Variants in SYNJ2BP observed in about 807,000 individuals in gnomAD.
The protein encoded by SYNJ2BP is synaptojanin-2-binding protein.
SYNJ2BP carries 10 observed loss-of-function variants against 16.9 expected under a neutral mutation model. The observed-to-expected ratio is 0.59, with a 90% confidence interval of 0.36 to 1.00. The LOEUF (loss-of-function observed/expected upper bound fraction) is 1.00, where lower values mean the gene tolerates loss of function less well. Among genes scored for constraint, SYNJ2BP ranks in the 50% least tolerant of loss-of-function variants. The pLI is 0.01. For synonymous variants in SYNJ2BP, 54 were observed against 68.4 expected, an observed-to-expected ratio of 0.79 and a Z score of 1.04; for missense variants, 162 against 186.7, an observed-to-expected ratio of 0.87 and a Z score of 0.77.
Position 70,367,232 on chromosome 14 carries a change from A to C in SYNJ2BP, c.*5759T>G, listed in dbSNP as rs1887408372. On this transcript the variant is annotated 3_prime_UTR_variant, in exon 4 of 4. Coordinates refer to ENST00000256366, the MANE Select transcript of SYNJ2BP (RefSeq NM_018373.3). Reference sequence around the variant, plus strand: ...TAGGTTTTATAGTATCATCAAGTACATCAGTTAAGCAAATCAAGTGCTTTG... The same window carrying C: ...TAGGTTTTATAGTATCATCAAGTACCTCAGTTAAGCAAATCAAGTGCTTTG... 6.6e-6 allele frequency: 1 copy of C among 152,190 alleles called. No homozygotes were observed. Among genetic ancestry groups the C allele is most frequent in the Admixed American group, 6.5e-5 (1 of 15,274 alleles). 9.4% of individuals were successfully genotyped at this position (152,190 alleles called of 1,614,324 possible). A position where few individuals can be genotyped will look rare whatever the true frequency, so the allele number is the denominator to read the frequency against.
chr14:70,386,788 G>T (rs948886817), intron 2 of SYNJ2BP, among the ~76,000 whole-genome samples: 1 of 151,670 alleles, frequency 6.6e-6, no homozygotes, highest in Non-Finnish European at 1.5e-5. Context: ...AACTGCATGA[G>T]AAGTAATGTG....
intron 2 of SYNJ2BP, among the ~76,000 whole-genome samples, chr14:70,383,218 G>T (rs528319836): frequency 6.6e-6 from 1 of 152,244 alleles, no homozygotes; most frequent in South Asian, 2.1e-4. Flanking sequence ...AGATGATAAG[G>T]CAAAGATCCT....
intron 1 of SYNJ2BP, among the ~76,000 whole-genome samples, chr14:70,393,002 T>G (rs1888012026): frequency 6.6e-6 from 1 of 152,182 alleles, no homozygotes. Context: ...CAAAAGAAAC[T>G]ATCATCAGAG....
At chr14:70,416,828 C>T (rs1814810154) in intron 1 of SYNJ2BP, 72 bp downstream of exon 1, 2 of 1,607,218 alleles carry the variant, frequency 1.2e-6, no homozygotes, top group Admixed American at 1.7e-5. Flanking sequence ...GTGAATCCGG[C>T]TCAGCAGCAG....
At position 70,417,014 on chromosome 14, in the gene SYNJ2BP, G is replaced by A. The variant is rs1309897363; in HGVS notation, c.-51C>T. 10 of 1,613,444 alleles carry A rather than the reference G, an allele frequency of 6.2e-6. No individual in the cohort carries two copies. In the Admixed American group the frequency reaches 1.0e-4, roughly 16 times the overall value. ...CTTGGGTCAGCTGGAGTGCAGCACA[G>A]GTGAAGGTGAATCAATCTCGGCGCT... On this transcript the variant is annotated 5_prime_UTR_variant, in exon 1 of 4. Transcript: ENST00000256366.
At chr14:70,398,958 A>T (rs1164942291) in intron 1 of SYNJ2BP, among the ~76,000 whole-genome samples, 1 of 152,112 alleles carries the variant, frequency 6.6e-6, no homozygotes, top group Non-Finnish European at 1.5e-5. Context: ...CTCCAGGAGC[A>T]GATAGTGGGC....
intron 1 of SYNJ2BP, among the ~76,000 whole-genome samples, chr14:70,401,058 C>G (rs960940627): frequency 3.9e-5 from 6 of 152,096 alleles, no homozygotes; most frequent in African/African-American, 1.4e-4. Context: ...TATGGGACAT[C>G]CTCTTGTAAA....
At chr14:70,404,308 CTT>C (rs1347410156) in intron 1 of SYNJ2BP, among the ~76,000 whole-genome samples, 1 of 152,084 alleles carries the variant, frequency 6.6e-6, no homozygotes, top group African/African-American at 2.4e-5. Context: ...AAATAAGTAA[CTT>C]GGGATGACGG....
chr14:70,406,415 G>C (rs1184461967), intron 1 of SYNJ2BP, among the ~76,000 whole-genome samples: 1 of 152,142 alleles, frequency 6.6e-6, no homozygotes, highest in Non-Finnish European at 1.5e-5. Context: ...TTAGCTTACA[G>C]TTTAACTTTG....
At chr14:70,398,082 A>AT in intron 1 of SYNJ2BP, among the ~76,000 whole-genome samples, 1 of 152,158 alleles carries the variant, frequency 6.6e-6, no homozygotes, top group Non-Finnish European at 1.5e-5. Flanking sequence ...GGTCATCTCA[A>AT]CAAGTACTCA....
intron 1 of SYNJ2BP, among the ~76,000 whole-genome samples, chr14:70,399,526 G>A (rs1231884882): frequency 1.3e-5 from 2 of 152,210 alleles, no homozygotes; most frequent in African/African-American, 2.4e-5. Flanking sequence ...CCATGTGAGG[G>A]TGGGGGACAC....
chr14:70,396,806 C>T (rs1888109592), intron 1 of SYNJ2BP, among the ~76,000 whole-genome samples: 1 of 152,106 alleles, frequency 6.6e-6, no homozygotes, highest in South Asian at 2.1e-4. Flanking sequence ...GAAATGTCTA[C>T]TCAGGTCCTT....
chr14:70,408,198 C>T (rs145234825), intron 1 of SYNJ2BP, among the ~76,000 whole-genome samples: 2 of 151,416 alleles, frequency 1.3e-5, no homozygotes, highest in African/African-American at 4.8e-5. Flanking sequence ...GAAACAGAAG[C>T]CCCATATCCC....
chr14:70,399,682 C>A (rs1186434879), intron 1 of SYNJ2BP, among the ~76,000 whole-genome samples: 1 of 152,206 alleles, frequency 6.6e-6, no homozygotes, highest in Admixed American at 6.5e-5. Flanking sequence ...TGAAGAGGAA[C>A]ATCTAACTGC....
At chr14:70,391,900 C>T (rs760621340) in intron 1 of SYNJ2BP, among the ~76,000 whole-genome samples, 3 of 152,170 alleles carry the variant, frequency 2.0e-5, no homozygotes, top group Admixed American at 6.5e-5. Context: ...GACCTGAAGC[C>T]CTTTGTTCAG....
intron 2 of SYNJ2BP, among the ~76,000 whole-genome samples, chr14:70,384,021 G>A (rs61678376): frequency 1.1e-4 from 16 of 151,196 alleles, no homozygotes; most frequent in African/African-American, 2.9e-4. Context: ...GCAGTGGCGC[G>A]ATCTCGGCTC....
intron 1 of SYNJ2BP, among the ~76,000 whole-genome samples, chr14:70,413,096 T>A (rs8015825): frequency 0.98 from 149,309 of 152,364 alleles, 73,226 homozygotes; most frequent in East Asian, 1. Flanking sequence ...ACTGCCTTTG[T>A]AATTCTTCAG....
rs368127558 is a variant in SYNJ2BP, at chr14:70,402,516, C to T, written c.65-13910G>A. Among the ~76,000 whole-genome samples the T allele has an allele frequency of 7.2e-5, 11 of 152,060 alleles. No homozygotes were observed. In the East Asian group the frequency reaches 2.1e-3, roughly 29 times the overall value. The stretch of plus-strand genomic sequence containing the variant: ...CAGATGCACTGCCCTGCAAATCTGC[C>T]TGGTTTTTAGACACTTAATATCAGG... On this transcript the variant is annotated intron_variant, in intron 1 of 3. Coordinates refer to ENST00000256366, the MANE Select transcript of SYNJ2BP (RefSeq NM_018373.3).
At chr14:70,376,828 T>A (rs989168113) in intron 2 of SYNJ2BP, among the ~76,000 whole-genome samples, 2 of 152,214 alleles carry the variant, frequency 1.3e-5, no homozygotes, top group African/African-American at 4.8e-5. Context: ...CTGTTATTCT[T>A]CCATCTTGAC....
Sources: gnomAD v4.1 joint callset for allele counts (sites outside exome capture counted in the v4.1 genomes callset) on GRCh38, gnomAD v4.1.1 for gene constraint, MANE v1.5 for transcripts, NCBI Gene and HGNC (gene_info 2026-07-23, HGNC 2026-07-21) for gene names.